Variants in TECRL observed in about 807,000 individuals in gnomAD.
TECRL encodes trans-2,3-enoyl-CoA reductase like, also known as trans-2,3-enoyl-CoA reductase-like.
TECRL carries 63 observed loss-of-function variants against 52.8 expected under a neutral mutation model. That is an observed-to-expected ratio of 1.19 (90% CI 0.97 to 1.47). The LOEUF (loss-of-function observed/expected upper bound fraction) is 1.47. Among genes scored for constraint, TECRL ranks in the 40% most tolerant of loss-of-function variants. The pLI, the probability that TECRL is intolerant of heterozygous loss-of-function variation, is 0.00. For missense variants in TECRL, 482 were observed against 429.6 expected (o/e 1.12, Z -1.08); for synonymous variants, 164 against 141.9 (o/e 1.16, Z -1.10).
chr4:64,289,818 TA>T, intron 8 of TECRL, 51 bp from the exon 9 acceptor site: 1 of 1,158,490 alleles, frequency 8.6e-7, no homozygotes, highest in Non-Finnish European at 1.2e-6. Flanking sequence ...GCCTATTTTT[TA>T]AAAAAACATA....
intron 2 of TECRL, among the ~76,000 whole-genome samples, chr4:64,370,435 T>C (rs1205208056): frequency 6.6e-6 from 1 of 151,874 alleles, no homozygotes; most frequent in Non-Finnish European, 1.5e-5. Context: ...GACATTTAGA[T>C]TTGAGAAAAG....
In TECRL at chr4:64,281,522, G is replaced by T; in HGVS notation, c.870C>A (p.Pro290=). 6.2e-7 allele frequency: 1 copy of T among 1,605,276 alleles called. No individual in the cohort carries two copies. Among genetic ancestry groups the T allele is most frequent in the Non-Finnish European group, 8.5e-7 (1 of 1,175,400 alleles). Residue 290 remains proline, a synonymous_variant, in exon 10 of 12, where the codon CCC becomes CCA. Coordinates refer to ENST00000381210, the MANE Select transcript of TECRL (RefSeq NM_001010874.5). ...AAACCAGGAAAAACATCCATGTGAA[G>T]GGGTTATAATTTGGACTTGGGAAAC... ...NACFPSPNYN[P]FTWMFFLVSC... is the part of the protein sequence containing the mutation.
chr4:64,405,826 A>G (rs1023137146), intron 1 of TECRL, among the ~76,000 whole-genome samples: 6 of 152,284 alleles, frequency 3.9e-5, no homozygotes, highest in Non-Finnish European at 8.8e-5. Context: ...AAAAGTGTAT[A>G]TTCTCCTGGA....
At chr4:64,378,703 G>A (rs960546604) in intron 1 of TECRL, among the ~76,000 whole-genome samples, 1 of 151,930 alleles carries the variant, frequency 6.6e-6, no homozygotes, top group Non-Finnish European at 1.5e-5. Context: ...AGAATAGCAA[G>A]AATTTTCACT....
chr4:64,311,848 A>G (rs1324843596), intron 5 of TECRL, among the ~76,000 whole-genome samples: 1 of 152,174 alleles, frequency 6.6e-6, no homozygotes, highest in Non-Finnish European at 1.5e-5. Context: ...CAACCAAAGT[A>G]TTGATAAAAT....
intron 1 of TECRL, among the ~76,000 whole-genome samples, chr4:64,381,373 T>C (rs868060350): frequency 3.4e-5 from 5 of 146,494 alleles, no homozygotes; most frequent in African/African-American, 7.5e-5. Context: ...TTGGATGCCC[T>C]TTTTTTTTTT....
Position 64,285,503 on chromosome 4 carries a change from C to T in TECRL, c.833-3944G>A, listed in dbSNP as rs374374344. 1.4e-4 allele frequency among the ~76,000 whole-genome samples: 21 copies of T among 152,172 alleles called. No homozygotes were observed. The East Asian group carries it at 1.7e-3, about 13-fold the overall frequency. On this transcript the variant is annotated intron_variant, in intron 9 of 11. Coordinates refer to ENST00000381210, the MANE Select transcript of TECRL (RefSeq NM_001010874.5). ...TCTAGACATAACCATGCCTAAAGCA[C>T]ATCTAATAGATATTACAACAAACTC...
chr4:64,351,826 T>A (rs1053305833), intron 2 of TECRL, among the ~76,000 whole-genome samples: 3 of 152,162 alleles, frequency 2.0e-5, no homozygotes, highest in African/African-American at 7.2e-5. Context: ...ATGGAGGGCA[T>A]TTGTGAACTA....
At chr4:64,336,297 C>T (rs1252664123) in intron 2 of TECRL, among the ~76,000 whole-genome samples, 3 of 152,190 alleles carry the variant, frequency 2.0e-5, no homozygotes, top group East Asian at 1.9e-4. Flanking sequence ...AGTTTATTTG[C>T]GTAGAGGTGT....
rs1303217436 is a variant in TECRL at position 64,296,034 on chromosome 4, T to C, written c.774+3940A>G. On this transcript the variant is annotated intron_variant, in intron 8 of 11. Coordinates refer to ENST00000381210, the MANE Select transcript of TECRL (RefSeq NM_001010874.5). ...AAAACACACAGAGTACTAGACTTTG[T>C]TTTCAGTCAATAAGTATAAATCCTT... Among the ~76,000 whole-genome samples the C allele has an allele frequency of 2.0e-5, 3 of 152,072 alleles. No individual in the cohort carries two copies. In the East Asian group the frequency reaches 5.8e-4, roughly 29 times the overall value.
rs1211097602 is a variant in TECRL, at chr4:64,278,422, G to A, written c.*1650C>T. The A allele has an allele frequency of 4.1e-6, 1 of 244,882 alleles. No homozygotes were observed. Among genetic ancestry groups the A allele is most frequent in the Admixed American group, 6.5e-5 (1 of 15,366 alleles). 15.2% of individuals were successfully genotyped at this position (244,882 alleles called of 1,614,324 possible). ...ATAATGAGATTCAAGTAATTTAAAT[G>A]TCAAAACTTTAAAAAATATTTACTT... On this transcript the variant is annotated 3_prime_UTR_variant, in exon 12 of 12. Transcript: ENST00000381210.
At chr4:64,284,353 G>A (rs1222211626) in intron 9 of TECRL, among the ~76,000 whole-genome samples, 1 of 152,048 alleles carries the variant, frequency 6.6e-6, no homozygotes, top group Non-Finnish European at 1.5e-5. Flanking sequence ...AGGTTGAAAA[G>A]AGAGTGCTTC....
chr4:64,279,904 C>T lies in TECRL; in HGVS notation c.*168G>A. ...CATTTATAATTTATACTTTTTATTA[C>T]CATGTGCATTTCTCTAAATTTAGTG... On this transcript the variant is annotated 3_prime_UTR_variant, in exon 12 of 12. Coordinates refer to ENST00000381210, the MANE Select transcript of TECRL (RefSeq NM_001010874.5). 1 of 1,201,950 alleles carries T rather than the reference C, an allele frequency of 8.3e-7. No homozygotes were observed. The highest frequency in any genetic ancestry group is 1.0e-6 in the Non-Finnish European group (1 of 964,858). The allele number at this position is 1,201,950 out of a possible 1,614,324, so 74.5% of individuals were successfully genotyped here. A position where few individuals can be genotyped will look rare whatever the true frequency, so the allele number is the denominator to read the frequency against.
At chr4:64,300,390 G>T (rs1365944693) in intron 7 of TECRL, among the ~76,000 whole-genome samples, 1 of 150,504 alleles carries the variant, frequency 6.6e-6, no homozygotes, top group Non-Finnish European at 1.5e-5. Flanking sequence ...GGAAAATGCT[G>T]ATTATAGTCA....
At chr4:64,405,028 T>C (rs1423710345) in intron 1 of TECRL, among the ~76,000 whole-genome samples, 1 of 151,608 alleles carries the variant, frequency 6.6e-6, no homozygotes, top group Non-Finnish European at 1.5e-5. Flanking sequence ...AACAATCTGA[T>C]ATTTTTGTGC....
At position 64,304,924 on chromosome 4, in the gene TECRL, G is replaced by GT. The variant is rs1188814312; in HGVS notation, c.730+241dup. The GT allele has an allele frequency of 1.3e-5, 4 of 300,526 alleles. No homozygotes were observed. In the Admixed American group the frequency reaches 1.4e-4, roughly 11 times the overall value. 18.6% of individuals were successfully genotyped at this position (300,526 alleles called of 1,614,324 possible). A position where few individuals can be genotyped will look rare whatever the true frequency, so the allele number is the denominator to read the frequency against. On this transcript the variant is annotated intron_variant, in intron 7 of 11. Coordinates refer to ENST00000381210, the MANE Select transcript of TECRL (RefSeq NM_001010874.5). ...TTGTTGTTTTTTCATTTTATTAGCT[G>GT]TTTTTTTGGAGGTTTACAACCTACT...
intron 2 of TECRL, among the ~76,000 whole-genome samples, chr4:64,341,086 C>A (rs1392690309): frequency 1.3e-5 from 2 of 152,150 alleles, no homozygotes; most frequent in Non-Finnish European, 2.9e-5. Flanking sequence ...GAGCTTCCCA[C>A]TCTAGGGTCT....
At chr4:64,305,006 G>T in intron 7 of TECRL, 160 bp downstream of exon 7, 2 of 458,086 alleles carry the variant, frequency 4.4e-6, no homozygotes, top group East Asian at 6.6e-5. Flanking sequence ...GAGTCAAATT[G>T]GTCTTGTAGG....
rs148553266 is a variant in TECRL, at chr4:64,394,107, G to A, written c.234+15011C>T. Among the ~76,000 whole-genome samples, 578 of 152,116 alleles carry A rather than the reference G, an allele frequency of 3.8e-3. 1 individual carries two copies. Among genetic ancestry groups the A allele is most frequent in the Non-Finnish European group, 6.3e-3 (430 of 67,964 alleles). ...TGGGCAAAATAAGATAAATAAAAAT[G>A]GTCAGCTCATCTGATGTTAAAAATA... On this transcript the variant is annotated intron_variant, in intron 1 of 11. Transcript: ENST00000381210.
Sources: allele counts gnomAD v4.1 joint callset (sites outside exome capture counted in the v4.1 genomes callset), GRCh38; gene constraint gnomAD v4.1.1; transcripts MANE v1.5; gene names NCBI Gene and HGNC (gene_info 2026-07-23, HGNC 2026-07-21).